The following AP4S1 variants were observed in gnomAD, a reference collection of about 807,000 sequenced individuals.
AP4S1 encodes the protein AP-4 complex subunit sigma-1.
In AP4S1, 23 loss-of-function variants were observed where a neutral mutation model predicts 19.8. The observed-to-expected ratio is 1.16, with a 90% CI of 0.84 to 1.65. AP4S1 has a LOEUF of 1.65. Among genes scored for constraint, AP4S1 ranks in the 40% most tolerant of loss-of-function variants. AP4S1 has a pLI of 0.00. For missense variants in AP4S1, 166 were observed against 172.8 expected, an observed-to-expected ratio of 0.96 and a Z score of 0.22; for synonymous variants, 46 against 54.1, an observed-to-expected ratio of 0.85 and a Z score of 0.66.
At chr14:31,057,410 C>T (rs1048536281) in intron 1 of AP4S1, among the ~76,000 whole-genome samples, 3 of 152,140 alleles carry the variant, frequency 2.0e-5, no homozygotes. Flanking sequence ...AACCCATTTG[C>T]CATCTTTGGA....
intron 1 of AP4S1, among the ~76,000 whole-genome samples, chr14:31,052,253 T>C (rs913845596): frequency 1.3e-5 from 2 of 152,000 alleles, no homozygotes; most frequent in Admixed American, 6.6e-5. Context: ...GCTTTGGTGA[T>C]AGAGTGAGAC....
At chr14:31,066,426 A>C in intron 2 of AP4S1, 92 bp downstream of exon 2, 1 of 1,522,364 alleles carries the variant, frequency 6.6e-7, no homozygotes. Context: ...ATTTTCTTTG[A>C]GCTATATTCC....
intron 1 of AP4S1, among the ~76,000 whole-genome samples, chr14:31,053,744 C>T (rs933020589): frequency 2.0e-5 from 3 of 151,490 alleles, no homozygotes; most frequent in African/African-American, 7.3e-5. Context: ...CTTTAGTAAC[C>T]TTTTATAGGA....
chr14:31,036,134 T>TA (rs1320691365), intron 1 of AP4S1, among the ~76,000 whole-genome samples: 6 of 141,530 alleles, frequency 4.2e-5, no homozygotes, highest in Admixed American at 4.2e-4. Context: ...ATTTTTATTT[T>TA]AAAAAAATAA....
chr14:31,033,363 G>A (rs1019979412), intron 1 of AP4S1, among the ~76,000 whole-genome samples: 8 of 152,106 alleles, frequency 5.3e-5, no homozygotes, highest in Admixed American at 6.5e-5. Context: ...ACAGTCATGC[G>A]CCACCATGCC....
chr14:31,056,365 C>CT lies in AP4S1; in HGVS notation c.-71-9751dup, dbSNP rs562734643. Among the ~76,000 whole-genome samples the CT allele has an allele frequency of 2.0e-3, 292 of 146,218 alleles. 4 individuals carry two copies. In the South Asian group the frequency reaches 0.045, roughly 23 times the overall value. ...CATACTTGTTTTTTTTCTTTTCTTTCTTTTTTTTTTGAGATGGAGTCTCAC... is the reference window on the plus strand; with the variant it reads ...CATACTTGTTTTTTTTCTTTTCTTTCTTTTTTTTTTTGAGATGGAGTCTCAC... On this transcript the variant is annotated intron_variant, in intron 1 of 5. Coordinates refer to ENST00000542754, the MANE Select transcript of AP4S1 (RefSeq NM_001128126.3).
At position 31,083,227 on chromosome 14, in the gene AP4S1, C is replaced by G. The variant is rs946483649; in HGVS notation, c.306+2643C>G. ...TGAATTAAAATTTTACGTCAAGATA[C>G]ACAATTTTCCCTTCATTTTACCTGG... On this transcript the variant is annotated intron_variant, in intron 5 of 5. Transcript: ENST00000542754. Among the ~76,000 whole-genome samples, 52 of 152,268 alleles carry G rather than the reference C, an allele frequency of 3.4e-4. No individual in the cohort carries two copies. The East Asian group carries it at 4.4e-3, about 13-fold the overall frequency.
At chr14:31,052,620 T>C in intron 1 of AP4S1, among the ~76,000 whole-genome samples, 1 of 150,204 alleles carries the variant, frequency 6.7e-6, no homozygotes, top group East Asian at 2.0e-4. Flanking sequence ...CCCAGCTACT[T>C]GGGAGGCTGA....
chr14:31,031,767 CCT>C (rs1293353849), intron 1 of AP4S1, among the ~76,000 whole-genome samples: 3 of 152,184 alleles, frequency 2.0e-5, no homozygotes, highest in African/African-American at 7.2e-5. Context: ...TGAGTCATTT[CCT>C]CTCTTAAAGC....
intron 1 of AP4S1, chr14:31,026,216 C>G: frequency 7.2e-7 from 1 of 1,384,282 alleles, no homozygotes; most frequent in Non-Finnish European, 9.3e-7. Context: ...GGGCGCAGGG[C>G]GAGACGCCGA....
intron 1 of AP4S1, among the ~76,000 whole-genome samples, chr14:31,029,720 G>A (rs1884274367): frequency 6.6e-6 from 1 of 152,100 alleles, no homozygotes; most frequent in Non-Finnish European, 1.5e-5. Flanking sequence ...TGGAGGCTGA[G>A]ATGGGAGGAT....
chr14:31,056,969 G>A (rs769831783), intron 1 of AP4S1, among the ~76,000 whole-genome samples: 5 of 152,124 alleles, frequency 3.3e-5, no homozygotes, highest in Non-Finnish European at 7.4e-5. Context: ...AGCTACTTGG[G>A]GGGCTGAGGT....
chr14:31,080,337 C>A (rs947776706), intron 4 of AP4S1, among the ~76,000 whole-genome samples: 3 of 152,132 alleles, frequency 2.0e-5, no homozygotes, highest in African/African-American at 7.2e-5. Flanking sequence ...CCTCTGCTTT[C>A]TAAAGATGAA....
intron 1 of AP4S1, among the ~76,000 whole-genome samples, chr14:31,049,474 T>TCACACACAC (rs1313078783): frequency 3.5e-4 from 20 of 57,176 alleles, no homozygotes; most frequent in South Asian, 2.3e-3. Flanking sequence ...TATATATATG[T>TCACACACAC]ACACACACAC....
intron 1 of AP4S1, among the ~76,000 whole-genome samples, chr14:31,049,687 T>C (rs1286133109): frequency 6.6e-6 from 1 of 151,854 alleles, no homozygotes; most frequent in Non-Finnish European, 1.5e-5. Context: ...AACACGGTCT[T>C]TCTCTGTCAC....
At chr14:31,061,736 G>A (rs1246298404) in intron 1 of AP4S1, among the ~76,000 whole-genome samples, 2 of 151,476 alleles carry the variant, frequency 1.3e-5, no homozygotes, top group Non-Finnish European at 2.9e-5. Context: ...TCTGCCTCCC[G>A]GGTTCAAGTG....
chr14:31,058,079 A>G (rs1886222242), intron 1 of AP4S1, among the ~76,000 whole-genome samples: 1 of 66,240 alleles, frequency 1.5e-5, no homozygotes, highest in Admixed American at 1.8e-4. Flanking sequence ...CACCACACCC[A>G]GCTCTTGTTT....
At chr14:31,037,645 A>C (rs1884858139) in intron 1 of AP4S1, among the ~76,000 whole-genome samples, 1 of 152,166 alleles carries the variant, frequency 6.6e-6, no homozygotes, top group Non-Finnish European at 1.5e-5. Context: ...CTTGTCTGAC[A>C]ATTTAAATTT....
At chr14:31,053,874 C>T (rs1228766073) in intron 1 of AP4S1, among the ~76,000 whole-genome samples, 1 of 151,950 alleles carries the variant, frequency 6.6e-6, no homozygotes, top group Non-Finnish European at 1.5e-5. Flanking sequence ...AATAAAGTTG[C>T]TACATCTGCA....
Sources: gnomAD v4.1 joint callset for allele counts (sites outside exome capture counted in the v4.1 genomes callset) on GRCh38, gnomAD v4.1.1 for gene constraint, MANE v1.5 for transcripts, NCBI Gene and HGNC (gene_info 2026-07-23, HGNC 2026-07-21) for gene names.